Variants in DCAF8L2 observed in about 807,000 individuals in gnomAD.
DCAF8L2 encodes DDB1 and CUL4 associated factor 8 like 2.
For missense variants in DCAF8L2, 430 were observed against 490.7 expected, an observed-to-expected ratio of 0.88 and a Z score of 1.17; for synonymous variants, 200 against 190.9, an observed-to-expected ratio of 1.05 and a Z score of -0.39.
chrX:27,654,500 G>T (rs779228864), intron 2 of DCAF8L2, among the ~76,000 whole-genome samples: 1 of 112,036 alleles, frequency 8.9e-6, no homozygotes, highest in South Asian at 3.7e-4. Context: ...TTAGCAGAAT[G>T]CAGGTTGTTT....
chrX:27,574,046 T>C, the DCAF8L2 span, among the ~76,000 whole-genome samples: 3 of 110,403 alleles, frequency 2.7e-5, no homozygotes, highest in African/African-American at 9.9e-5. Context: ...TCCAGGCTGA[T>C]CTTGAACTCC....
the DCAF8L2 span, among the ~76,000 whole-genome samples, chrX:27,522,505 A>G: frequency 5.4e-5 from 6 of 112,123 alleles, no homozygotes; most frequent in Non-Finnish European, 1.1e-4. Context: ...AGTGTACATT[A>G]CAGTACTGTT....
the DCAF8L2 span, among the ~76,000 whole-genome samples, chrX:27,473,662 A>C: frequency 9.1e-6 from 1 of 110,008 alleles, no homozygotes; most frequent in South Asian, 3.8e-4. Flanking sequence ...TTTTTTTTTA[A>C]TCTTCACAAC....
the DCAF8L2 span, among the ~76,000 whole-genome samples, chrX:27,551,097 C>T: frequency 9.1e-6 from 1 of 109,452 alleles, no homozygotes; most frequent in East Asian, 2.9e-4. Flanking sequence ...CACTGACCCC[C>T]TGGCTGTTCC....
intron 1 of DCAF8L2, among the ~76,000 whole-genome samples, chrX:27,624,962 C>T (rs755812780): frequency 3.6e-5 from 4 of 111,566 alleles, no homozygotes; most frequent in African/African-American, 1.3e-4. Context: ...GATAAAGATG[C>T]CAAAAGCAAT....
chrX:27,606,358 A>AAAATATATATATATATATATATATAT (rs1926895878), intron 1 of DCAF8L2, among the ~76,000 whole-genome samples: 1 of 39,783 alleles, frequency 2.5e-5, no homozygotes, highest in Non-Finnish European at 4.0e-5. Flanking sequence ...TATATCTAGG[A>AAAATATATATATATATATATATATAT]ATATATATAT....
chrX:27,493,760 A>G, the DCAF8L2 span, among the ~76,000 whole-genome samples: 1 of 108,337 alleles, frequency 9.2e-6, no homozygotes, highest in Non-Finnish European at 1.9e-5. Flanking sequence ...AGAAAACCCT[A>G]CAATCTATTA....
intron 2 of DCAF8L2, among the ~76,000 whole-genome samples, chrX:27,673,451 T>C (rs1174292965): frequency 2.1e-5 from 2 of 96,042 alleles, no homozygotes. Context: ...GAGGTTACAG[T>C]GAGCCGAGAT....
chrX:27,509,643 G>A, the DCAF8L2 span, among the ~76,000 whole-genome samples: 2 of 111,935 alleles, frequency 1.8e-5, no homozygotes, highest in South Asian at 7.4e-4. Flanking sequence ...TTCTATGTGG[G>A]TACAGATGTA....
the DCAF8L2 span, among the ~76,000 whole-genome samples, chrX:27,563,974 T>C: frequency 1.1e-4 from 12 of 112,376 alleles, no homozygotes; most frequent in Admixed American, 1.1e-3. Context: ...TTAAGTAATT[T>C]ACACTGGCTG....
At chrX:27,676,009 A>G (rs978167958) in intron 2 of DCAF8L2, among the ~76,000 whole-genome samples, 1 of 112,185 alleles carries the variant, frequency 8.9e-6, no homozygotes, top group East Asian at 2.8e-4. Context: ...TGCATAACTA[A>G]ATGTAGACCA....
At chrX:27,541,454 C>A in the DCAF8L2 span, among the ~76,000 whole-genome samples, 1 of 107,728 alleles carries the variant, frequency 9.3e-6, no homozygotes, top group Non-Finnish European at 1.9e-5. Context: ...ACGGCAACCT[C>A]CACCTCCCGA....
At chrX:27,669,691 T>C (rs1024716493) in intron 2 of DCAF8L2, among the ~76,000 whole-genome samples, 1 of 108,875 alleles carries the variant, frequency 9.2e-6, no homozygotes, top group African/African-American at 3.3e-5. Context: ...TTCTCATTGT[T>C]CAATCCCCAC....
intron 4 of DCAF8L2, among the ~76,000 whole-genome samples, chrX:27,723,312 T>C (rs1931962123): frequency 9.0e-6 from 1 of 110,634 alleles, no homozygotes; most frequent in African/African-American, 3.3e-5. Context: ...CTGTGAAATA[T>C]CTTTACGATT....
the DCAF8L2 span, among the ~76,000 whole-genome samples, chrX:27,485,924 CT>C: frequency 0.055 from 3,234 of 58,809 alleles, 200 homozygotes; most frequent in African/African-American, 0.18. Flanking sequence ...TTCTTTTTCT[CT>C]TTTTTTTTTT....
At chrX:27,547,467 A>T in the DCAF8L2 span, among the ~76,000 whole-genome samples, 10,711 of 111,655 alleles carry the variant, frequency 0.096, 406 homozygotes, top group Non-Finnish European at 0.12. Context: ...TTCCCAAGAC[A>T]GAGTAATTTA....
At chrX:27,588,032 T>G (rs1925945962), upstream of DCAF8L2, among the ~76,000 whole-genome samples, 2 of 102,683 alleles carry the variant, frequency 1.9e-5, no homozygotes, top group Non-Finnish European at 3.9e-5. Context: ...AAAGTTTATT[T>G]TAGATTCAGG....
the DCAF8L2 span, among the ~76,000 whole-genome samples, chrX:27,474,138 C>T: frequency 1.1e-3 from 118 of 110,890 alleles, no homozygotes; most frequent in Non-Finnish European, 1.8e-3. Flanking sequence ...ATTATCCCCA[C>T]GCAGAAAATA....
the DCAF8L2 span, among the ~76,000 whole-genome samples, chrX:27,580,761 A>G: frequency 2.7e-5 from 3 of 111,905 alleles, no homozygotes; most frequent in African/African-American, 9.7e-5. Context: ...AATATTAAAA[A>G]GAAATGTTAG....
Sources: gnomAD v4.1 joint callset for allele counts (sites outside exome capture counted in the v4.1 genomes callset) on GRCh38, gnomAD v4.1.1 for gene constraint, MANE v1.5 for transcripts, NCBI Gene and HGNC (gene_info 2026-07-23, HGNC 2026-07-21) for gene names.